The following NUP98 variants were observed in gnomAD, a reference collection of about 807,000 sequenced individuals.
The protein encoded by NUP98 is nuclear pore complex protein Nup98-Nup96.
NUP98 carries 26 observed loss-of-function variants against 191.9 expected under a neutral mutation model. The ratio of observed to expected loss-of-function variants is 0.14; its 90% CI spans 0.10 to 0.19. The LOEUF (loss-of-function observed/expected upper bound fraction) is 0.19, where lower values mean the gene tolerates loss of function less well. Among genes scored for constraint, NUP98 ranks in the 10% least tolerant of loss-of-function variants. The probability of loss-of-function intolerance (pLI) is 1.00; values close to 1 mark genes in which losing one functional copy is unlikely to be tolerated. For synonymous variants in NUP98, 808 were observed against 778.4 expected, an observed-to-expected ratio of 1.04 and a Z score of -0.63; for missense variants, 1,941 against 2,178.8, an observed-to-expected ratio of 0.89 and a Z score of 2.17.
intron 11 of NUP98, among the ~76,000 whole-genome samples, chr11:3,745,685 C>A (rs547053312): frequency 6.6e-6 from 1 of 152,002 alleles, no homozygotes; most frequent in Non-Finnish European, 1.5e-5. Flanking sequence ...GAGTCCTGGG[C>A]GAAAGTAATC....
intron 9 of NUP98, 57 bp from the exon 10 acceptor site, chr11:3,760,683 A>C: frequency 6.2e-6 from 9 of 1,460,752 alleles, no homozygotes; most frequent in Non-Finnish European, 8.5e-6. Context: ...ACACCAAACT[A>C]AATACAGGTT....
At chr11:3,712,496 G>A (rs1264873032) in intron 20 of NUP98, 68 bp downstream of exon 20, 1 of 1,600,082 alleles carries the variant, frequency 6.2e-7, no homozygotes, top group Admixed American at 1.7e-5. Context: ...CTTTGTATTA[G>A]CTGAATGACT....
chr11:3,749,328 A>G (rs550350260), intron 11 of NUP98, among the ~76,000 whole-genome samples: 2,285 of 151,256 alleles, frequency 0.015, 59 homozygotes, highest in African/African-American at 0.053. Context: ...AAAAAAATAA[A>G]TAAATAAATT....
rs530543971 is a variant in NUP98 at position 3,793,068 on chromosome 11, G to A, written c.-29+4332C>T. ...GGAGGTTGGAGTACGCTGAGATAGC[G>A]CCACTGCACTCCGACTTGGGCGACA... On this transcript the variant is annotated intron_variant, in intron 1 of 32. Coordinates refer to ENST00000324932, the MANE Select transcript of NUP98 (RefSeq NM_016320.5). 7.9e-5 allele frequency among the ~76,000 whole-genome samples: 12 copies of A among 152,144 alleles called. No individual in the cohort carries two copies. The South Asian group carries it at 1.0e-3, about 13-fold the overall frequency.
intron 20 of NUP98, among the ~76,000 whole-genome samples, chr11:3,711,300 A>T (rs1227594966): frequency 6.6e-6 from 1 of 152,134 alleles, no homozygotes; most frequent in African/African-American, 2.4e-5. Context: ...TAGAACCTTG[A>T]TCTGAAATTT....
At chr11:3,772,128 T>G (rs1445310279) in intron 6 of NUP98, among the ~76,000 whole-genome samples, 200 bp from the exon 7 acceptor site, 1 of 152,156 alleles carries the variant, frequency 6.6e-6, no homozygotes, top group Non-Finnish European at 1.5e-5. Flanking sequence ...ATAATTATCA[T>G]AAAACTACAA....
chr11:3,782,298 G>A (rs1399159671), intron 1 of NUP98, among the ~76,000 whole-genome samples, 153 bp from the exon 2 acceptor site: 1 of 152,072 alleles, frequency 6.6e-6, no homozygotes, highest in Non-Finnish European at 1.5e-5. Flanking sequence ...AATAAACCTT[G>A]TAAAATGATC....
intron 12 of NUP98, among the ~76,000 whole-genome samples, chr11:3,738,112 A>C (rs2080144183): frequency 6.7e-6 from 1 of 149,104 alleles, no homozygotes; most frequent in Non-Finnish European, 1.5e-5. Context: ...AAAAAACCAA[A>C]GACTTCCTTT....
intron 31 of NUP98, among the ~76,000 whole-genome samples, chr11:3,679,251 A>C (rs999275881): frequency 6.6e-6 from 1 of 151,976 alleles, no homozygotes; most frequent in African/African-American, 2.4e-5. Flanking sequence ...TTCTTATTTT[A>C]TCTCTCATCT....
chr11:3,747,420 G>C (rs939553967), intron 11 of NUP98, among the ~76,000 whole-genome samples: 4 of 152,052 alleles, frequency 2.6e-5, no homozygotes, highest in Admixed American at 2.6e-4. Context: ...TAGAACAAAG[G>C]TTTATTATTA....
intron 1 of NUP98, among the ~76,000 whole-genome samples, chr11:3,791,232 G>C (rs1330002574): frequency 6.6e-6 from 1 of 151,838 alleles, no homozygotes; most frequent in Non-Finnish European, 1.5e-5. Flanking sequence ...ACAAACTATG[G>C]TTATTAAGAT....
chr11:3,771,976 T>C, intron 6 of NUP98, 48 bp from the exon 7 acceptor site: 1 of 1,532,192 alleles, frequency 6.5e-7, no homozygotes, highest in South Asian at 1.2e-5. Context: ...CAGCTAAAAA[T>C]AATTATTTAG....
rs201021796 is a variant in NUP98 at position 3,768,577 on chromosome 11, T to A, written c.948+4A>T. The A allele has an allele frequency of 3.6e-5, 56 of 1,569,370 alleles. No individual in the cohort carries two copies. In the African/African-American group the frequency reaches 6.7e-4, roughly 19 times the overall value. On this transcript the variant is annotated splice_donor_region_variant and intron_variant, in intron 8 of 32. Transcript: ENST00000324932. ...TGGAGGTAAGTAAGGGTCTGTTTCC[T>A]TACCATGGTGTTGGTGCTTGGCTGT...
intron 12 of NUP98, among the ~76,000 whole-genome samples, chr11:3,737,301 G>C (rs1008302180): frequency 6.9e-6 from 1 of 145,216 alleles, no homozygotes; most frequent in Non-Finnish European, 1.5e-5. Flanking sequence ...GGAGTGGGTG[G>C]AGAACAAAAG....
chr11:3,771,987 G>A, intron 6 of NUP98, 59 bp from the exon 7 acceptor site: 2 of 1,420,762 alleles, frequency 1.4e-6, no homozygotes, highest in Non-Finnish European at 2.0e-6. Flanking sequence ...AATTATTTAG[G>A]AGGCTAAATA....
rs192706752 is a variant in NUP98 at position 3,764,090 on chromosome 11, C to A, written c.949-1051G>T. On this transcript the variant is annotated intron_variant, in intron 8 of 32. Coordinates refer to ENST00000324932, the MANE Select transcript of NUP98 (RefSeq NM_016320.5). ...CCTACTATCTAAATTCTTACACCCC[C>A]CAAAGAAATCCCAGACCCATCAGTG... Among the ~76,000 whole-genome samples the A allele has an allele frequency of 2.6e-5, 4 of 152,274 alleles. No individual in the cohort carries two copies. In the South Asian group the frequency reaches 8.3e-4, roughly 32 times the overall value.
rs1369829939 is a variant in NUP98 at position 3,712,599 on chromosome 11, T to A, written c.2707A>T (p.Met903Leu). 1.7e-5 allele frequency: 27 copies of A among 1,614,000 alleles called. No homozygotes were observed. Among genetic ancestry groups the A allele is most frequent in the Non-Finnish European group, 2.2e-5 (26 of 1,180,004 alleles). Residue 903 changes from methionine to leucine, a missense_variant, in exon 20 of 33, where the codon ATG becomes TTG. Physicochemically the swap from Met to Leu is conservative, Grantham distance 15. Transcript: ENST00000324932. ...GGTGCAGGTTTGCCATTAAGAGCCA[T>A]CTGCAAGGGCGTAGTCTGGCTTGCA... ...PPASQTTPLQ[M>L]ALNGKPAPPP... is the part of the protein sequence containing the mutation.
intron 4 of NUP98, 128 bp from the exon 5 acceptor site, chr11:3,776,149 T>C (rs2081720020): frequency 1.6e-6 from 1 of 631,482 alleles, no homozygotes; most frequent in Non-Finnish European, 2.7e-6. Context: ...TGAGACAGGG[T>C]CTTGCTCTGT....
At position 3,786,068 on chromosome 11, in the gene NUP98, C is replaced by T. The variant is rs377172456; in HGVS notation, c.-28-3923G>A. On this transcript the variant is annotated intron_variant, in intron 1 of 32. Coordinates refer to ENST00000324932, the MANE Select transcript of NUP98 (RefSeq NM_016320.5). ...TCATGTAAACCTCCCAAGAATCCAA[C>T]GATGTAGGTATTTTTATCTCTATTT... 3.9e-5 allele frequency among the ~76,000 whole-genome samples: 6 copies of T among 152,048 alleles called. No individual in the cohort carries two copies. The East Asian group carries it at 7.7e-4, about 20-fold the overall frequency.
Sources: gnomAD v4.1 joint callset for allele counts (sites outside exome capture counted in the v4.1 genomes callset) on GRCh38, gnomAD v4.1.1 for gene constraint, MANE v1.5 for transcripts, NCBI Gene and HGNC (gene_info 2026-07-23, HGNC 2026-07-21) for gene names.